The following ZNF423 variants were observed in gnomAD, a reference collection of about 807,000 sequenced individuals.
ZNF423 encodes Ebf-associated zinc finger protein.
In ZNF423, 12 loss-of-function variants were observed where a neutral mutation model predicts 95.8. The ratio of observed to expected loss-of-function variants is 0.13; its 90% CI spans 0.08 to 0.20. The LOEUF is 0.20. Ranked by LOEUF, ZNF423 falls within the 10% of genes least tolerant of loss-of-function variation. The pLI, the probability that ZNF423 is intolerant of heterozygous loss-of-function variation, is 1.00. For missense variants in ZNF423, 1,316 were observed against 1,737.1 expected, an observed-to-expected ratio of 0.76 and a Z score of 4.31; for synonymous variants, 749 against 711.9, an observed-to-expected ratio of 1.05 and a Z score of -0.83.
intron 2 of ZNF423, among the ~76,000 whole-genome samples, chr16:49,744,131 G>A (rs939698680): frequency 2.0e-5 from 3 of 152,204 alleles, no homozygotes; most frequent in Non-Finnish European, 2.9e-5. Context: ...CAGGTCTGCC[G>A]GCTTTCTGCC....
At chr16:49,508,863 T>C (rs896776504) in intron 7 of ZNF423, among the ~76,000 whole-genome samples, 17 of 152,174 alleles carry the variant, frequency 1.1e-4, no homozygotes, top group African/African-American at 3.6e-4. Context: ...CCAAAGAGCA[T>C]AAGATGCTCC....
intron 5 of ZNF423, among the ~76,000 whole-genome samples, chr16:49,583,548 A>G (rs1970736261): frequency 6.6e-6 from 1 of 152,238 alleles, no homozygotes; most frequent in African/African-American, 2.4e-5. Context: ...TTAACCATCT[A>G]CAGAAGTACT....
intron 3 of ZNF423, among the ~76,000 whole-genome samples, chr16:49,686,416 G>A (rs531605559): frequency 2.6e-5 from 4 of 152,246 alleles, no homozygotes; most frequent in African/African-American, 4.8e-5. Flanking sequence ...TACCAGGCAC[G>A]TAGTGGAGGT....
chr16:49,556,535 A>G (rs1040310279), intron 5 of ZNF423, among the ~76,000 whole-genome samples: 2 of 152,228 alleles, frequency 1.3e-5, no homozygotes, highest in African/African-American at 4.8e-5. Flanking sequence ...GAGGAACTCA[A>G]TAAATATGTG....
At chr16:49,628,537 C>A (rs1972388652) in intron 4 of ZNF423, among the ~76,000 whole-genome samples, 1 of 149,516 alleles carries the variant, frequency 6.7e-6, no homozygotes, top group Non-Finnish European at 1.5e-5. Context: ...ATCCATCTAT[C>A]CATCCATCCA....
At chr16:49,665,124 C>T (rs772248976) in intron 3 of ZNF423, among the ~76,000 whole-genome samples, 9 of 152,238 alleles carry the variant, frequency 5.9e-5, no homozygotes, top group Non-Finnish European at 1.2e-4. Flanking sequence ...CAACTCTCAA[C>T]GGTGCATTGA....
chr16:49,646,421 C>T (rs1156238305), intron 3 of ZNF423, among the ~76,000 whole-genome samples: 6 of 152,068 alleles, frequency 3.9e-5, no homozygotes, highest in Non-Finnish European at 8.8e-5. Flanking sequence ...CAATTACATC[C>T]CTGCCTGTAA....
chr16:49,602,713 T>C (rs1596702408), intron 5 of ZNF423, among the ~76,000 whole-genome samples: 1 of 152,068 alleles, frequency 6.6e-6, no homozygotes, highest in Admixed American at 6.5e-5. Context: ...CTCCTGCCGA[T>C]TCAAAACCAG....
chr16:49,493,931 C>T (rs950342462), intron 7 of ZNF423, among the ~76,000 whole-genome samples: 21 of 152,154 alleles, frequency 1.4e-4, no homozygotes, highest in African/African-American at 5.1e-4. Flanking sequence ...GACTTTGTTC[C>T]ACAGGCCACA....
At chr16:49,606,676 G>C (rs1022678841) in intron 5 of ZNF423, among the ~76,000 whole-genome samples, 1 of 152,218 alleles carries the variant, frequency 6.6e-6, no homozygotes, top group Non-Finnish European at 1.5e-5. Context: ...AGTGGTACTG[G>C]TGCATACCAG....
intron 3 of ZNF423, among the ~76,000 whole-genome samples, chr16:49,701,736 C>A (rs888845905): frequency 6.6e-6 from 1 of 152,186 alleles, no homozygotes; most frequent in African/African-American, 2.4e-5. Context: ...ATAGAAAAGT[C>A]ATTTCCCCCC....
rs773132629 is a variant in ZNF423 at position 49,637,194 on chromosome 16, A to T, written c.1982T>A (p.Leu661Gln). The change falls in exon 4 of 8, where the codon CTG (leucine) becomes CAG (glutamine). Residue 661 changes from leucine to glutamine, a missense_variant. Leu to Gln is a moderately radical substitution (Grantham distance 113, BLOSUM62 -2). Coordinates refer to ENST00000563137, the MANE Select transcript of ZNF423 (RefSeq NM_001379286.1). The surrounding 1 kb of genome is among the most constrained non-coding windows in gnomAD (Gnocchi z 5.6). Reference sequence around the variant, plus strand: ...CTTCCGCAGCAGCAGCTCCAGGTGCAGCTTCAGGTGGGTCTGGAAGCTCTC... The same window carrying T: ...CTTCCGCAGCAGCAGCTCCAGGTGCTGCTTCAGGTGGGTCTGGAAGCTCTC... ...NFESFQTHLK[L>Q]HLELLLRKQA... The T allele has an allele frequency of 6.2e-7, 1 of 1,613,962 alleles. No homozygotes were observed. The highest frequency in any genetic ancestry group is 1.7e-5 in the Admixed American group (1 of 60,030).
At chr16:49,792,617 G>A (rs1026291774) in intron 1 of ZNF423, among the ~76,000 whole-genome samples, 1 of 152,214 alleles carries the variant, frequency 6.6e-6, no homozygotes, top group African/African-American at 2.4e-5. Context: ...GGGTGTTAAT[G>A]CGTTTTCCTA....
chr16:49,523,866 T>C (rs764427836), intron 6 of ZNF423, 127 bp from the exon 7 acceptor site: 209 of 716,166 alleles, frequency 2.9e-4, no homozygotes, highest in South Asian at 6.5e-4. Context: ...AACAGTGGGC[T>C]ACTGGGAGTG....
At chr16:49,834,829 G>A (rs1394381904) in intron 1 of ZNF423, among the ~76,000 whole-genome samples, 5 of 151,936 alleles carry the variant, frequency 3.3e-5, no homozygotes, top group Admixed American at 1.3e-4. Flanking sequence ...CCGGCTGTGC[G>A]CTCCCCTCCC....
chr16:49,555,198 T>A (rs531695562), intron 5 of ZNF423, among the ~76,000 whole-genome samples: 1 of 152,326 alleles, frequency 6.6e-6, no homozygotes, highest in Admixed American at 6.5e-5. Context: ...TCCTTAATGA[T>A]CCTTAATGCC....
At chr16:49,815,886 A>ATATATATT in intron 1 of ZNF423, among the ~76,000 whole-genome samples, 1 of 40,270 alleles carries the variant, frequency 2.5e-5, no homozygotes, top group Non-Finnish European at 4.4e-5. Context: ...AAAAAAATAT[A>ATATATATT]TATATATATA....
upstream of ZNF423, among the ~76,000 whole-genome samples, chr16:49,858,761 G>A (rs1375693280): frequency 6.6e-6 from 1 of 151,928 alleles, no homozygotes; most frequent in Non-Finnish European, 1.5e-5. The surrounding 1 kb of genome is among the most constrained non-coding windows in gnomAD (Gnocchi z 4.3). Context: ...GACGGAGTTG[G>A]GCTGAACCGG....
intron 2 of ZNF423, among the ~76,000 whole-genome samples, chr16:49,751,466 T>C (rs190974021): frequency 6.6e-6 from 1 of 152,256 alleles, no homozygotes; most frequent in African/African-American, 2.4e-5. Context: ...CTTGTAATCC[T>C]AGCACTTTGG....
Sources: allele counts gnomAD v4.1 joint callset (sites outside exome capture counted in the v4.1 genomes callset), GRCh38; gene constraint gnomAD v4.1.1; non-coding constraint Gnocchi (gnomAD v3.1); transcripts MANE v1.5; gene names NCBI Gene and HGNC (gene_info 2026-07-23, HGNC 2026-07-21).